The following AFG2A variants were observed in gnomAD, a reference collection of about 807,000 sequenced individuals.
The protein encoded by AFG2A is ATPase family gene 2 protein homolog A.
the AFG2A span, among the ~76,000 whole-genome samples, chr4:122,981,411 A>G: frequency 6.8e-6 from 1 of 146,232 alleles, no homozygotes; most frequent in Non-Finnish European, 1.5e-5. Flanking sequence ...TGCTGTCTTG[A>G]TTATCATAGC....
chr4:123,003,153 C>T, the AFG2A span, among the ~76,000 whole-genome samples: 8 of 152,220 alleles, frequency 5.3e-5, no homozygotes, highest in Non-Finnish European at 7.3e-5. Context: ...CTTTCAGCTT[C>T]ATCAGCTCCT....
At chr4:123,111,165 A>AT in the AFG2A span, among the ~76,000 whole-genome samples, 137 of 150,850 alleles carry the variant, frequency 9.1e-4, no homozygotes, top group African/African-American at 3.0e-3. Flanking sequence ...GCCAACCTGT[A>AT]TTTTTTTTTC....
the AFG2A span, among the ~76,000 whole-genome samples, chr4:123,227,714 T>A: frequency 0.14 from 20,672 of 152,066 alleles, 4,188 homozygotes; most frequent in African/African-American, 0.44. Context: ...AGTTCTGTAG[T>A]TGTCTATTAG....
the AFG2A span, chr4:123,057,370 T>C: frequency 2.6e-3 from 3,690 of 1,417,570 alleles, 69 homozygotes; most frequent in African/African-American, 0.042. Context: ...AATAGCATTT[T>C]GTATACAACT....
the AFG2A span, among the ~76,000 whole-genome samples, chr4:123,016,683 G>A: frequency 1.3e-5 from 2 of 151,558 alleles, no homozygotes; most frequent in Non-Finnish European, 2.9e-5. Context: ...GACGATGGGC[G>A]GCCAGGCAGA....
chr4:123,153,542 G>T, the AFG2A span, among the ~76,000 whole-genome samples: 2 of 152,108 alleles, frequency 1.3e-5, no homozygotes, highest in Admixed American at 6.6e-5. Flanking sequence ...GTTTGCACCC[G>T]TCTTTAACCC....
chr4:122,928,710 A>G, the AFG2A span, among the ~76,000 whole-genome samples: 1 of 151,758 alleles, frequency 6.6e-6, no homozygotes, highest in Admixed American at 6.6e-5. Flanking sequence ...TATTTTTGTC[A>G]TTTTCTCATT....
At chr4:122,970,973 A>G in the AFG2A span, among the ~76,000 whole-genome samples, 126,459 of 152,122 alleles carry the variant, frequency 0.83, 53,713 homozygotes, top group East Asian at 0.96. Context: ...AGCTTAGTAG[A>G]GACAGGGTTT....
At chr4:122,956,998 T>G in the AFG2A span, among the ~76,000 whole-genome samples, 4 of 152,194 alleles carry the variant, frequency 2.6e-5, no homozygotes, top group Non-Finnish European at 4.4e-5. Flanking sequence ...ACAGGTTCTA[T>G]GCCTTATCTG....
chr4:123,279,775 T>C, the AFG2A span, among the ~76,000 whole-genome samples: 1 of 152,046 alleles, frequency 6.6e-6, no homozygotes, highest in Admixed American at 6.6e-5. Context: ...GAAATGAGAG[T>C]TGTAATTATC....
At chr4:123,153,494 A>T in the AFG2A span, among the ~76,000 whole-genome samples, 1,059 of 152,292 alleles carry the variant, frequency 7.0e-3, 7 homozygotes, top group African/African-American at 0.023. Context: ...TCCAGGGGAC[A>T]TGTGCAGGAT....
At chr4:123,122,753 T>G in the AFG2A span, among the ~76,000 whole-genome samples, 1 of 151,938 alleles carries the variant, frequency 6.6e-6, no homozygotes, top group Admixed American at 6.6e-5. Context: ...AAACTACTTT[T>G]TTTTTTGGCC....
At chr4:123,201,407 G>A in the AFG2A span, among the ~76,000 whole-genome samples, 1 of 152,136 alleles carries the variant, frequency 6.6e-6, no homozygotes, top group Admixed American at 6.5e-5. Context: ...CCAATCACTA[G>A]ATGAATAGAG....
the AFG2A span, among the ~76,000 whole-genome samples, chr4:123,026,433 G>C: frequency 2.6e-4 from 40 of 151,994 alleles, no homozygotes; most frequent in South Asian, 6.6e-3. Flanking sequence ...TAACACGAAC[G>C]ATAGGTGATG....
the AFG2A span, among the ~76,000 whole-genome samples, chr4:123,276,370 T>G: frequency 6.6e-6 from 1 of 152,172 alleles, no homozygotes; most frequent in Non-Finnish European, 1.5e-5. Context: ...CCTTATAGAT[T>G]CTGGATATTA....
At chr4:123,235,690 A>G in the AFG2A span, among the ~76,000 whole-genome samples, 1 of 152,214 alleles carries the variant, frequency 6.6e-6, no homozygotes, top group Non-Finnish European at 1.5e-5. Flanking sequence ...TTCAGTACTC[A>G]TATTTGGACT....
At chr4:123,008,767 T>C in the AFG2A span, among the ~76,000 whole-genome samples, 1 of 152,120 alleles carries the variant, frequency 6.6e-6, no homozygotes, top group Non-Finnish European at 1.5e-5. Flanking sequence ...GTAGGGTAGA[T>C]TGATGAAACT....
chr4:123,018,657 A>G, the AFG2A span, among the ~76,000 whole-genome samples: 1 of 151,432 alleles, frequency 6.6e-6, no homozygotes, highest in Non-Finnish European at 1.5e-5. Context: ...TTTTTGAGAC[A>G]GAGTCTCGCT....
the AFG2A span, among the ~76,000 whole-genome samples, chr4:123,064,337 C>G: frequency 1.3e-5 from 2 of 152,198 alleles, no homozygotes; most frequent in East Asian, 3.9e-4. Context: ...TTGAATTATA[C>G]TGGGCTAATA....
Sources: allele counts gnomAD v4.1 joint callset (sites outside exome capture counted in the v4.1 genomes callset), GRCh38; gene constraint gnomAD v4.1.1; transcripts MANE v1.5; gene names NCBI Gene and HGNC (gene_info 2026-07-23, HGNC 2026-07-21).